Variants in FLVCR1 observed in about 807,000 individuals in gnomAD.
FLVCR1 encodes choline/ethanolamine transporter FLVCR1.
Under a neutral mutation model 53.6 loss-of-function variants are expected in FLVCR1, and 34 were observed. The observed-to-expected ratio is 0.63, with a 90% confidence interval of 0.48 to 0.84. FLVCR1 has a LOEUF of 0.84. Among genes scored for constraint, FLVCR1 ranks in the 40% least tolerant of loss-of-function variants. The probability of loss-of-function intolerance (pLI) is 0.00; values close to 1 mark genes in which losing one functional copy is unlikely to be tolerated. For missense variants in FLVCR1, 677 were observed against 696.7 expected (o/e 0.97, Z 0.32); for synonymous variants, 300 against 286.3 (o/e 1.05, Z -0.48).
intron 8 of FLVCR1, among the ~76,000 whole-genome samples, chr1:212,890,187 C>T (rs2102571423): frequency 6.6e-6 from 1 of 152,316 alleles, no homozygotes; most frequent in African/African-American, 2.4e-5. Context: ...TGCCCATGCA[C>T]ATGGGTGTAC....
chr1:212,884,045 C>T lies in FLVCR1; in HGVS notation c.1092+607C>T, dbSNP rs900626658. Among the ~76,000 whole-genome samples the T allele has an allele frequency of 7.2e-5, 11 of 152,268 alleles. No homozygotes were observed. In the South Asian group the frequency reaches 1.7e-3, roughly 23 times the overall value. On this transcript the variant is annotated intron_variant, in intron 4 of 9. Coordinates refer to ENST00000366971, the MANE Select transcript of FLVCR1 (RefSeq NM_014053.4). ...TAGTATGGCCAGGCATAGTGGCTCA[C>T]GCCTGTAATCCCAGCACTTTGGAAG...
At chr1:212,890,306 T>G (rs959820298) in intron 8 of FLVCR1, among the ~76,000 whole-genome samples, 5 of 152,186 alleles carry the variant, frequency 3.3e-5, no homozygotes, top group African/African-American at 1.2e-4. Context: ...ATTAGTAATC[T>G]AGAGATGGTT....
chr1:212,881,053 A>T (rs2102561205), intron 3 of FLVCR1, among the ~76,000 whole-genome samples: 1 of 152,322 alleles, frequency 6.6e-6, no homozygotes, highest in East Asian at 1.9e-4. Flanking sequence ...ATATTTGCAA[A>T]CTGCTCTAAT....
chr1:212,872,341 A>G (rs1440082952), intron 2 of FLVCR1, among the ~76,000 whole-genome samples: 1 of 152,320 alleles, frequency 6.6e-6, no homozygotes, highest in East Asian at 1.9e-4. Flanking sequence ...TGAATATTTA[A>G]TGTAGTAAAA....
chr1:212,877,635 A>T (rs1664793444), intron 3 of FLVCR1, among the ~76,000 whole-genome samples: 1 of 150,042 alleles, frequency 6.7e-6, no homozygotes, highest in South Asian at 2.1e-4. Flanking sequence ...AGGTGGATAA[A>T]TTGCAAACAT....
Position 212,861,310 on chromosome 1 carries a change from A to G in FLVCR1, c.738+2120A>G, listed in dbSNP as rs1460359302. On this transcript the variant is annotated intron_variant, in intron 1 of 9. Coordinates refer to ENST00000366971, the MANE Select transcript of FLVCR1 (RefSeq NM_014053.4). ...GCTTGGAATATTTCTTCACTTGACTAACTCCAATTTCTTATTCAGATCTTT... is the reference window on the plus strand; with the variant it reads ...GCTTGGAATATTTCTTCACTTGACTGACTCCAATTTCTTATTCAGATCTTT... 2.0e-5 allele frequency among the ~76,000 whole-genome samples: 3 copies of G among 152,134 alleles called. 1 individual carries two copies. Among genetic ancestry groups the G allele is most frequent in the Admixed American group, 2.0e-4 (3 of 15,286 alleles).
chr1:212,889,509 G>A (rs1665136979), intron 8 of FLVCR1, among the ~76,000 whole-genome samples: 1 of 152,180 alleles, frequency 6.6e-6, no homozygotes, highest in South Asian at 2.1e-4. Flanking sequence ...GCTCATGCCT[G>A]TAATCCCAGC....
At chr1:212,881,843 C>A (rs1664939334) in intron 3 of FLVCR1, among the ~76,000 whole-genome samples, 1 of 152,130 alleles carries the variant, frequency 6.6e-6, no homozygotes, top group Admixed American at 6.6e-5. Flanking sequence ...AAAATAACTC[C>A]TACAAATCAG....
chr1:212,866,129 C>T lies in FLVCR1; in HGVS notation c.883+2260C>T, dbSNP rs112516230. On this transcript the variant is annotated intron_variant, in intron 2 of 9. Transcript: ENST00000366971. Reference sequence around the variant, plus strand: ...CCTCCCAAGTAGCTGAGATTACAGGCGCGTGCCACCATGCCTGGCTAATTT... The same window carrying T: ...CCTCCCAAGTAGCTGAGATTACAGGTGCGTGCCACCATGCCTGGCTAATTT... Among the ~76,000 whole-genome samples the T allele has an allele frequency of 2.9e-4, 44 of 152,150 alleles. 1 individual carries two copies. Among genetic ancestry groups the T allele is most frequent in the African/African-American group, 1.0e-3 (42 of 41,502 alleles).
At chr1:212,877,403 C>T (rs1270673369) in intron 3 of FLVCR1, among the ~76,000 whole-genome samples, 5 of 151,842 alleles carry the variant, frequency 3.3e-5, no homozygotes, top group East Asian at 1.9e-4. Flanking sequence ...TTAGTAGAGA[C>T]GGGGTTTCAC....
chr1:212,860,635 A>G (rs557054655), intron 1 of FLVCR1, among the ~76,000 whole-genome samples: 2 of 152,020 alleles, frequency 1.3e-5, no homozygotes, highest in South Asian at 2.1e-4. Context: ...TCCCTGTCTC[A>G]TATGTTATTG....
At chr1:212,884,429 C>A (rs374401439) in intron 4 of FLVCR1, among the ~76,000 whole-genome samples, 1 of 152,044 alleles carries the variant, frequency 6.6e-6, no homozygotes, top group Non-Finnish European at 1.5e-5. Flanking sequence ...TACACACACA[C>A]ACAATATGGA....
In FLVCR1 at chr1:212,895,275, A is replaced by G. The variant is rs1334144275; in HGVS notation, c.1653A>G (p.Ser551=). Residue 551 remains serine, a synonymous_variant, in exon 10 of 10, where the codon TCA becomes TCG. Transcript: ENST00000366971. ...EPKTVMLSKQ[S]ESAI is the part of the protein sequence containing the mutation. ...AAACGGTTATGTTGTCCAAGCAGTC[A>G]GAATCAGCAATTTGAAGAGAAAGGC... is the stretch of plus-strand genomic sequence containing the variant. 1 of 1,613,220 alleles carries G rather than the reference A, an allele frequency of 6.2e-7. No individual in the cohort carries two copies. The highest frequency in any genetic ancestry group is 8.5e-7 in the Non-Finnish European group (1 of 1,179,194).
At chr1:212,865,961 T>TGCCACTGCGCTG (rs1558109271) in intron 2 of FLVCR1, among the ~76,000 whole-genome samples, 1 of 79,344 alleles carries the variant, frequency 1.3e-5, no homozygotes, top group Admixed American at 1.2e-4. Flanking sequence ...TACAGGCATT[T>TGCCACTGCGCTG]GGCTAATTTT....
Position 212,883,399 on chromosome 1 carries a change from C to T in FLVCR1, c.1053C>T (p.Val351=). The change falls in exon 4 of 10, where the codon GTC becomes GTT. Residue 351 remains valine (V), a synonymous_variant. Transcript: ENST00000366971. Reference sequence around the variant, plus strand: ...TCATGACTGGTGCCTTTTATTCAGTCTCAACGTTATTAAATCAAATGATAT... The same window carrying T: ...TCATGACTGGTGCCTTTTATTCAGTTTCAACGTTATTAAATCAAATGATAT... ...YGIMTGAFYS[V]STLLNQMILT... 3 of 1,580,352 alleles carry T rather than the reference C, an allele frequency of 1.9e-6. No homozygotes were observed. Among genetic ancestry groups the T allele is most frequent in the South Asian group, 1.1e-5 (1 of 89,930 alleles).
At chr1:212,885,490 T>G in intron 5 of FLVCR1, 94 bp downstream of exon 5, 1 of 915,172 alleles carries the variant, frequency 1.1e-6, no homozygotes, top group Non-Finnish European at 1.8e-6. Context: ...TTAAAACATG[T>G]TATTACTTAA....
intron 1 of FLVCR1, among the ~76,000 whole-genome samples, chr1:212,862,443 T>C (rs570690507): frequency 1.3e-5 from 2 of 152,346 alleles, no homozygotes; most frequent in East Asian, 3.8e-4. Flanking sequence ...ACCTTTTGTG[T>C]CTGGCTTCTT....
intron 3 of FLVCR1, among the ~76,000 whole-genome samples, chr1:212,881,373 C>A (rs1428302456): frequency 7.2e-5 from 10 of 138,378 alleles, no homozygotes; most frequent in African/African-American, 2.6e-4. Flanking sequence ...GAGTCTCGCT[C>A]TGTCACCCAG....
At chr1:212,869,770 A>G (rs1211280517) in intron 2 of FLVCR1, among the ~76,000 whole-genome samples, 10 of 152,218 alleles carry the variant, frequency 6.6e-5, no homozygotes, top group Non-Finnish European at 1.3e-4. Context: ...TCTTGACCTC[A>G]GGTGAGTTGC....
Sources: gnomAD v4.1 joint callset for allele counts (sites outside exome capture counted in the v4.1 genomes callset) on GRCh38, gnomAD v4.1.1 for gene constraint, MANE v1.5 for transcripts, NCBI Gene and HGNC (gene_info 2026-07-23, HGNC 2026-07-21) for gene names.